Variants in FAM135B observed in about 807,000 individuals in gnomAD.
FAM135B encodes the protein protein FAM135B.
FAM135B carries 43 observed loss-of-function variants against 127.7 expected under a neutral mutation model. The ratio of observed to expected loss-of-function variants is 0.34; its 90% CI spans 0.26 to 0.43. The LOEUF (loss-of-function observed/expected upper bound fraction) is 0.43. Ranked by LOEUF, FAM135B falls within the 20% of genes least tolerant of loss-of-function variation. FAM135B has a pLI of 1.00. For synonymous variants in FAM135B, 670 were observed against 665.1 expected (o/e 1.01, Z -0.11); for missense variants, 1,558 against 1,725.6 (o/e 0.90, Z 1.72).
chr8:138,281,613 G>C (rs1397573501), intron 3 of FAM135B, among the ~76,000 whole-genome samples: 1 of 151,952 alleles, frequency 6.6e-6, no homozygotes, highest in Admixed American at 6.6e-5. Context: ...TCCCTTGGCC[G>C]CCGTGAAATG....
At chr8:138,341,047 A>C (rs540583137) in intron 2 of FAM135B, among the ~76,000 whole-genome samples, 1 of 152,292 alleles carries the variant, frequency 6.6e-6, no homozygotes, top group African/African-American at 2.4e-5. Flanking sequence ...GTACTCAAGA[A>C]TTGTTTAGGA....
intron 1 of FAM135B, among the ~76,000 whole-genome samples, chr8:138,396,497 G>C (rs1449038407): frequency 6.6e-6 from 1 of 152,144 alleles, no homozygotes; most frequent in Non-Finnish European, 1.5e-5. Context: ...GGCTCACTCT[G>C]TCCTTCCTCC....
intron 7 of FAM135B, among the ~76,000 whole-genome samples, chr8:138,206,993 C>G (rs1176856916): frequency 6.6e-6 from 1 of 152,174 alleles, no homozygotes; most frequent in Non-Finnish European, 1.5e-5. Flanking sequence ...ATGCATGGCT[C>G]CAGCATCAAA....
chr8:138,363,588 C>G (rs1830568315), intron 2 of FAM135B, among the ~76,000 whole-genome samples: 1 of 152,084 alleles, frequency 6.6e-6, no homozygotes, highest in Non-Finnish European at 1.5e-5. Context: ...TTGTGTCAGT[C>G]CATATAGACT....
chr8:138,406,588 T>TA (rs1833509528), intron 1 of FAM135B, among the ~76,000 whole-genome samples: 1 of 152,120 alleles, frequency 6.6e-6, no homozygotes, highest in Non-Finnish European at 1.5e-5. Context: ...ATCCCTGGGA[T>TA]GCAAGGCTGG....
At chr8:138,404,432 G>A (rs1833335498) in intron 1 of FAM135B, among the ~76,000 whole-genome samples, 1 of 152,138 alleles carries the variant, frequency 6.6e-6, no homozygotes, top group South Asian at 2.1e-4. Context: ...GAAGGTTAAG[G>A]TGACTGTGAC....
intron 11 of FAM135B, among the ~76,000 whole-genome samples, chr8:138,171,886 G>C (rs1034429283): frequency 1.3e-5 from 2 of 152,130 alleles, no homozygotes; most frequent in African/African-American, 4.8e-5. Flanking sequence ...GTTTTCCTGA[G>C]TGTATGCAAG....
At chr8:138,219,383 G>A (rs145857504) in intron 7 of FAM135B, among the ~76,000 whole-genome samples, 2,522 of 152,196 alleles carry the variant, frequency 0.017, 39 homozygotes, top group Non-Finnish European at 0.026. Context: ...GTTAAACCTG[G>A]AACCTGTCCC....
chr8:138,328,815 A>G (rs528263524), intron 2 of FAM135B, among the ~76,000 whole-genome samples: 3 of 152,170 alleles, frequency 2.0e-5, no homozygotes, highest in Admixed American at 6.5e-5. Flanking sequence ...CAAAGATCCA[A>G]TTCATAAGGT....
chr8:138,152,637 T>A lies in FAM135B; in HGVS notation c.1838A>T (p.His613Leu), dbSNP rs377714521. The A allele has an allele frequency of 5.6e-6, 9 of 1,614,044 alleles. No homozygotes were observed. The highest frequency in any genetic ancestry group is 6.8e-6 in the Non-Finnish European group (8 of 1,180,034). Residue 613 changes from histidine to leucine, a missense_variant, in exon 13 of 20, where the codon CAT becomes CTT. By Grantham distance (99) the His-to-Leu change is moderately conservative. Coordinates refer to ENST00000395297, the MANE Select transcript of FAM135B (RefSeq NM_015912.4). ...TCCCTTTCCTAGAGTACTTAATTCA[T>A]GGAGAGTTGTTTTGTCTGAAGAGAT... ...NAISSDKTTL[H>L]ELSTLGKGID...
chr8:138,185,576 C>CCCAAAAACAACAAAA (rs1191063524), intron 9 of FAM135B, among the ~76,000 whole-genome samples: 1 of 152,144 alleles, frequency 6.6e-6, no homozygotes, highest in African/African-American at 2.4e-5. Flanking sequence ...AAACAGGCTG[C>CCCAAAAACAACAAAA]CCACAGTCAG....
At chr8:138,316,320 C>A (rs898521533) in intron 2 of FAM135B, among the ~76,000 whole-genome samples, 1 of 151,866 alleles carries the variant, frequency 6.6e-6, no homozygotes, top group Non-Finnish European at 1.5e-5. Context: ...TGGTGAAACC[C>A]CGTCTCTACT....
At chr8:138,270,444 A>G (rs1287188379) in intron 3 of FAM135B, among the ~76,000 whole-genome samples, 2 of 152,212 alleles carry the variant, frequency 1.3e-5, no homozygotes, top group African/African-American at 4.8e-5. Flanking sequence ...TGGTTTGGCT[A>G]CATTGTGAGC....
At chr8:138,224,150 A>C (rs545854176) in intron 7 of FAM135B, among the ~76,000 whole-genome samples, 61 of 152,318 alleles carry the variant, frequency 4.0e-4, no homozygotes, top group African/African-American at 1.4e-3. Context: ...CCAGGTAACA[A>C]AGCTGCACAT....
intron 14 of FAM135B, 27 bp from the exon 15 acceptor site, chr8:138,146,077 C>G (rs765558277): frequency 5.2e-6 from 6 of 1,156,878 alleles, no homozygotes; most frequent in Non-Finnish European, 6.5e-6. Flanking sequence ...ACCCCCATCC[C>G]AGTCCCGTAG....
At chr8:138,426,362 G>C (rs1834889559) in intron 1 of FAM135B, among the ~76,000 whole-genome samples, 2 of 151,514 alleles carry the variant, frequency 1.3e-5, no homozygotes. Flanking sequence ...TGAAATTTTT[G>C]TATATTGCTG....
chr8:138,141,174 T>A lies in FAM135B; in HGVS notation c.3790+24A>T, dbSNP rs758056344. 6.2e-7 allele frequency: 1 copy of A among 1,612,382 alleles called. No individual in the cohort carries two copies. Among genetic ancestry groups the A allele is most frequent in the Non-Finnish European group, 8.5e-7 (1 of 1,178,962 alleles). On this transcript the variant is annotated intron_variant, in intron 17 of 19. Coordinates refer to ENST00000395297, the MANE Select transcript of FAM135B (RefSeq NM_015912.4). The surrounding 1 kb of genome is among the most constrained non-coding windows in gnomAD (Gnocchi z 4.7). ...GAGGCCCCAGATTAATTCTGAGGAA[T>A]GACGAGTCCTAGAAGAATCTTACCT...
chr8:138,212,252 C>G (rs1818201880), intron 7 of FAM135B, among the ~76,000 whole-genome samples: 1 of 152,062 alleles, frequency 6.6e-6, no homozygotes, highest in African/African-American at 2.4e-5. Context: ...GCCCTCACTG[C>G]AGGTGTAGGG....
At chr8:138,311,949 T>C (rs1346866404) in intron 2 of FAM135B, among the ~76,000 whole-genome samples, 1 of 152,124 alleles carries the variant, frequency 6.6e-6, no homozygotes, top group Admixed American at 6.5e-5. Flanking sequence ...ATCTGTAAAA[T>C]GAATATATAT....
Sources: gnomAD v4.1 joint callset for allele counts (sites outside exome capture counted in the v4.1 genomes callset) on GRCh38, gnomAD v4.1.1 for gene constraint, Gnocchi (gnomAD v3.1) non-coding constraint, MANE v1.5 for transcripts, NCBI Gene and HGNC (gene_info 2026-07-23, HGNC 2026-07-21) for gene names.